PACS1: variants seen among roughly 807,000 people sequenced by gnomAD.
PACS1 encodes phosphofurin acidic cluster sorting protein 1, also known as PACS-1.
Under a neutral mutation model 115.0 loss-of-function variants are expected in PACS1, and 24 were observed. That is an observed-to-expected ratio of 0.21 (90% CI 0.15 to 0.29). The LOEUF (loss-of-function observed/expected upper bound fraction) is 0.29, where lower values mean the gene tolerates loss of function less well. PACS1 is among the 10% of genes least tolerant of loss of function. The probability of loss-of-function intolerance (pLI) is 1.00; values close to 1 mark genes in which losing one functional copy is unlikely to be tolerated. For synonymous variants in PACS1, 453 were observed against 504.5 expected, an observed-to-expected ratio of 0.90 and a Z score of 1.37; for missense variants, 838 against 1,251.2, an observed-to-expected ratio of 0.67 and a Z score of 4.98.
chr11:66,195,794 T>A (rs1360481623), intron 2 of PACS1, among the ~76,000 whole-genome samples: 1 of 152,164 alleles, frequency 6.6e-6, no homozygotes, highest in Non-Finnish European at 1.5e-5. Context: ...ACAGCAGTGA[T>A]CAAAACAGAC....
intron 1 of PACS1, among the ~76,000 whole-genome samples, chr11:66,156,047 G>C (rs942218923): frequency 5.9e-5 from 9 of 151,816 alleles, no homozygotes. Flanking sequence ...TGGGGCTTGG[G>C]TGGAGGGAAG....
chr11:66,163,495 G>C (rs746642401), intron 1 of PACS1, among the ~76,000 whole-genome samples: 2 of 152,064 alleles, frequency 1.3e-5, no homozygotes, highest in Non-Finnish European at 2.9e-5. Context: ...TACAAAGCTA[G>C]ATGATTATTC....
At position 66,177,336 on chromosome 11, in the gene PACS1, C is replaced by T. The variant is rs190774477; in HGVS notation, c.357-16150C>T. On this transcript the variant is annotated intron_variant, in intron 1 of 23. Coordinates refer to ENST00000320580, the MANE Select transcript of PACS1 (RefSeq NM_018026.4). The stretch of plus-strand genomic sequence containing the variant: ...GCCTCCCAAGCAGCTGGGATTACAC[C>T]ATGCGCCACCATGCCTGGCTAATTT... Among the ~76,000 whole-genome samples, 697 of 152,182 alleles carry T rather than the reference C, an allele frequency of 4.6e-3. 5 individuals are homozygous for T. The highest frequency in any genetic ancestry group is 0.015 in the African/African-American group (623 of 41,524).
chr11:66,073,788 C>G (rs1365505677), intron 1 of PACS1, among the ~76,000 whole-genome samples: 1 of 152,010 alleles, frequency 6.6e-6, no homozygotes, highest in Non-Finnish European at 1.5e-5. Flanking sequence ...GAGTCTTGCT[C>G]TGTCATCCAG....
At chr11:66,086,320 A>G (rs1362539044) in intron 1 of PACS1, among the ~76,000 whole-genome samples, 2 of 151,700 alleles carry the variant, frequency 1.3e-5, no homozygotes, top group Admixed American at 6.6e-5. Flanking sequence ...TTGTATTTTT[A>G]GTAGAGACGG....
Position 66,191,949 on chromosome 11 carries a change from G to A in PACS1, c.357-1537G>A, listed in dbSNP as rs1471741893. The stretch of plus-strand genomic sequence containing the variant: ...GAGGCAGCAGAATTGCTGGAACACG[G>A]GAGGTGGAGGCTGCAGTGAGCCAAA... On this transcript the variant is annotated intron_variant, in intron 1 of 23. Coordinates refer to ENST00000320580, the MANE Select transcript of PACS1 (RefSeq NM_018026.4). 2.0e-5 allele frequency among the ~76,000 whole-genome samples: 3 copies of A among 152,126 alleles called. No homozygotes were observed. The East Asian group carries it at 5.8e-4, about 29-fold the overall frequency.
intron 1 of PACS1, among the ~76,000 whole-genome samples, chr11:66,155,118 A>G (rs801739): frequency 0.45 from 69,085 of 152,032 alleles, 15,982 homozygotes; most frequent in Admixed American, 0.5. Context: ...TACCTTATAC[A>G]CTGCCCAGAA....
rs1855322005 is a variant in PACS1 at position 66,220,670 on chromosome 11, C to T, written c.1078C>T (p.Arg360Trp). 1.2e-6 allele frequency: 2 copies of T among 1,614,012 alleles called. No individual in the cohort carries two copies. Among genetic ancestry groups the T allele is most frequent in the Non-Finnish European group, 1.7e-6 (2 of 1,180,022 alleles). Residue 360 changes from arginine to tryptophan, a missense_variant, in exon 9 of 24, where the codon CGG (arginine) becomes TGG (tryptophan). Arg to Trp is a moderately radical substitution (Grantham distance 101). Coordinates refer to ENST00000320580, the MANE Select transcript of PACS1 (RefSeq NM_018026.4). The part of the protein sequence containing the change: ...GLEHVSREQI[R>W]EVEEDLDELY... ...GGAGCATGTGTCCCGCGAGCAGATCCGGGAAGTGGAAGAGGACTTGGATGA... is the reference window on the plus strand; with the variant it reads ...GGAGCATGTGTCCCGCGAGCAGATCTGGGAAGTGGAAGAGGACTTGGATGA...
At chr11:66,141,995 G>A (rs373572726) in intron 1 of PACS1, among the ~76,000 whole-genome samples, 1 of 151,810 alleles carries the variant, frequency 6.6e-6, no homozygotes, top group Non-Finnish European at 1.5e-5. Context: ...TAGTAGAGAC[G>A]GGGTTTCACC....
intron 20 of PACS1, 93 bp downstream of exon 20, chr11:66,238,939 C>T: frequency 5.0e-6 from 7 of 1,398,280 alleles, no homozygotes; most frequent in Non-Finnish European, 6.9e-6. Flanking sequence ...GCTCTGGATG[C>T]CCTGAGGGAA....
intron 1 of PACS1, among the ~76,000 whole-genome samples, chr11:66,102,849 GGA>G (rs1342076543): frequency 3.3e-5 from 5 of 151,648 alleles, no homozygotes; most frequent in Admixed American, 2.6e-4. Flanking sequence ...TATTTATTTT[GGA>G]GACAGATCTT....
intron 19 of PACS1, chr11:66,238,290 TC>T: frequency 3.0e-6 from 3 of 985,378 alleles, no homozygotes; most frequent in Non-Finnish European, 3.6e-6. Context: ...AGAGCCATCT[TC>T]CTAGGCCCTC....
At chr11:66,213,709 A>G (rs1236731785) in intron 4 of PACS1, among the ~76,000 whole-genome samples, 2 of 152,124 alleles carry the variant, frequency 1.3e-5, no homozygotes, top group African/African-American at 2.4e-5. Flanking sequence ...TTCTTTCTCC[A>G]TGTTTCTAAT....
At position 66,235,952 on chromosome 11, in the gene PACS1, C is replaced by T. The variant is rs760895616; in HGVS notation, c.2250+12C>T. 8.7e-6 allele frequency: 14 copies of T among 1,612,386 alleles called. 1 individual carries two copies. In the Admixed American group the frequency reaches 2.2e-4, roughly 25 times the overall value. ...TTCCCTTCATTGGCGTGAGTACTGACTCCCTCTGCTTGGCACCCCACCCGT... is the reference window on the plus strand; with the variant it reads ...TTCCCTTCATTGGCGTGAGTACTGATTCCCTCTGCTTGGCACCCCACCCGT... On this transcript the variant is annotated intron_variant, in intron 19 of 23. Transcript: ENST00000320580. This position sits in a 1 kb window ranked among gnomAD's most constrained non-coding sequence, Gnocchi z 5.6.
chr11:66,133,109 A>C (rs1167935372), intron 1 of PACS1, among the ~76,000 whole-genome samples: 1 of 152,178 alleles, frequency 6.6e-6, no homozygotes, highest in Non-Finnish European at 1.5e-5. Context: ...CTGTGTGTGC[A>C]ATCTATCAGC....
In PACS1 at chr11:66,232,375, G is replaced by A. The variant is rs1289017555; in HGVS notation, c.1731+99G>A. The stretch of plus-strand genomic sequence containing the variant: ...CTCCATACTATTGCGTGGGGAGGTG[G>A]GGAACTCACCCCTCCATCAGCCCCC... On this transcript the variant is annotated intron_variant, in intron 14 of 23. Transcript: ENST00000320580. 1.2e-5 allele frequency: 8 copies of A among 691,618 alleles called. No homozygotes were observed. The Admixed American group carries it at 1.6e-4, about 14-fold the overall frequency. The allele number at this position is 691,618 out of a possible 1,614,324, so 42.8% of individuals were successfully genotyped here.
intron 1 of PACS1, among the ~76,000 whole-genome samples, chr11:66,122,041 G>A (rs1468119846): frequency 6.6e-6 from 1 of 152,234 alleles, no homozygotes; most frequent in East Asian, 1.9e-4. Context: ...AGAAGTTAGT[G>A]TCTGGCTTCA....
chr11:66,123,338 C>T (rs1175905220), intron 1 of PACS1, among the ~76,000 whole-genome samples: 1 of 151,734 alleles, frequency 6.6e-6, no homozygotes, highest in Non-Finnish European at 1.5e-5. Context: ...ATTATAGGCA[C>T]GTGCCACCAT....
intron 1 of PACS1, among the ~76,000 whole-genome samples, chr11:66,137,083 G>A (rs149032758): frequency 6.7e-6 from 1 of 148,908 alleles, no homozygotes; most frequent in African/African-American, 2.5e-5. Context: ...TGTTTGCCGT[G>A]CAGAAGTTTT....
Sources: gnomAD v4.1 joint callset for allele counts (sites outside exome capture counted in the v4.1 genomes callset) on GRCh38, gnomAD v4.1.1 for gene constraint, Gnocchi (gnomAD v3.1) non-coding constraint, MANE v1.5 for transcripts, NCBI Gene and HGNC (gene_info 2026-07-23, HGNC 2026-07-21) for gene names.